FAM114A2: variants seen among roughly 807,000 people sequenced by gnomAD.
FAM114A2 encodes family with sequence similarity 114 member A2, also known as protein FAM114A2.
FAM114A2 carries 53 observed loss-of-function variants against 58.4 expected under a neutral mutation model. The observed-to-expected ratio is 0.91, with a 90% confidence interval of 0.73 to 1.14. The LOEUF is 1.14. Ranked by LOEUF, FAM114A2 falls within the 50% of genes most tolerant of loss-of-function variation. The pLI, the probability that FAM114A2 is intolerant of heterozygous loss-of-function variation, is 0.00. For synonymous variants in FAM114A2, 228 were observed against 211.4 expected, an observed-to-expected ratio of 1.08 and a Z score of -0.68; for missense variants, 601 against 581.1, an observed-to-expected ratio of 1.03 and a Z score of -0.35.
chr5:154,004,016 A>T (rs1770185784), intron 9 of FAM114A2, among the ~76,000 whole-genome samples: 1 of 152,180 alleles, frequency 6.6e-6, no homozygotes, highest in Non-Finnish European at 1.5e-5. Flanking sequence ...AACATGCTGT[A>T]CAGTTTTGTA....
At chr5:153,994,808 G>A (rs1435522304) in intron 13 of FAM114A2, 111 bp downstream of exon 13, 2 of 685,390 alleles carry the variant, frequency 2.9e-6, no homozygotes, top group Non-Finnish European at 5.2e-6. Flanking sequence ...CATCAATATG[G>A]CTAAACTACC....
chr5:153,997,965 T>G, intron 11 of FAM114A2, 90 bp from the exon 12 acceptor site: 1 of 764,428 alleles, frequency 1.3e-6, no homozygotes, highest in South Asian at 1.8e-5. Flanking sequence ...ACAAATCACT[T>G]CTGGTACTAA....
intron 7 of FAM114A2, among the ~76,000 whole-genome samples, chr5:154,026,882 A>C: frequency 5.2e-5 from 1 of 19,210 alleles, no homozygotes; most frequent in Non-Finnish European, 1.1e-4. Context: ...CAAAGAAACT[A>C]AAAAAAAAAA....
intron 6 of FAM114A2, 50 bp downstream of exon 6, chr5:154,028,099 A>C: frequency 6.7e-7 from 1 of 1,488,952 alleles, no homozygotes; most frequent in Non-Finnish European, 9.1e-7. Context: ...AAAGGCAAAA[A>C]TACAGATCAA....
Position 154,029,538 on chromosome 5 carries a change from G to A in FAM114A2, c.446C>T (p.Ala149Val). 6.2e-7 allele frequency: 1 copy of A among 1,611,392 alleles called. No homozygotes were observed. Among genetic ancestry groups the A allele is most frequent in the Non-Finnish European group, 8.5e-7 (1 of 1,177,948 alleles). The change falls in exon 5 of 14, where the codon GCT (alanine) becomes GTT (valine). Residue 149 changes from alanine to valine, a missense_variant. Ala to Val is a moderately conservative substitution (Grantham distance 64). Transcript: ENST00000351797. The part of the protein sequence containing the change: ...AKENENSSPV[A>V]GAFGVFSTIS... ...GGTAGAGAATACACCAAATGCCCCA[G>A]CCACTGGGGAGGAGTTTTCATTCTC...
chr5:154,012,433 A>T (rs1437449977), intron 8 of FAM114A2, among the ~76,000 whole-genome samples: 1 of 152,218 alleles, frequency 6.6e-6, no homozygotes, highest in Admixed American at 6.5e-5. Context: ...TCTCTGCAAC[A>T]TGGAATGCAG....
intron 4 of FAM114A2, 53 bp from the exon 5 acceptor site, chr5:154,029,633 G>T (rs2113474642): frequency 1.0e-6 from 1 of 963,860 alleles, no homozygotes; most frequent in Non-Finnish European, 1.7e-6. Flanking sequence ...TTAACTCTCA[G>T]GCTTTATTAG....
At chr5:154,017,086 C>T (rs1451966962) in intron 8 of FAM114A2, among the ~76,000 whole-genome samples, 1 of 152,158 alleles carries the variant, frequency 6.6e-6, no homozygotes, top group Non-Finnish European at 1.5e-5. Flanking sequence ...TATCACAATC[C>T]TAAACATACA....
chr5:154,011,535 GCCATTATT>G (rs750607934), intron 8 of FAM114A2, among the ~76,000 whole-genome samples: 31 of 152,172 alleles, frequency 2.0e-4, no homozygotes, highest in Non-Finnish European at 4.4e-4. Context: ...AGAGAAAAGT[GCCATTATT>G]CCATGTTAGA....
intron 13 of FAM114A2, among the ~76,000 whole-genome samples, chr5:153,994,232 A>G (rs535116936): frequency 2.0e-5 from 3 of 152,332 alleles, no homozygotes; most frequent in African/African-American, 7.2e-5. Context: ...CATTTTTTCA[A>G]TTAACATCTA....
intron 11 of FAM114A2, among the ~76,000 whole-genome samples, chr5:154,001,631 G>T (rs1769979029): frequency 6.6e-6 from 1 of 152,056 alleles, no homozygotes; most frequent in African/African-American, 2.4e-5. Context: ...TTTTAATCAG[G>T]ACATTTGCTT....
Position 153,992,796 on chromosome 5 carries a change from T to C in FAM114A2, c.*180A>G, listed in dbSNP as rs1295415524. On this transcript the variant is annotated 3_prime_UTR_variant, in exon 14 of 14. Coordinates refer to ENST00000351797, the MANE Select transcript of FAM114A2 (RefSeq NM_018691.4). ...GAATTACAACAACTGGAAAGAATAC[T>C]GTGAGAACCTGAATACTTCAATCAA... 4.6e-6 allele frequency: 2 copies of C among 436,760 alleles called. No individual in the cohort carries two copies. Among genetic ancestry groups the C allele is most frequent in the Non-Finnish European group, 8.1e-6 (2 of 247,584 alleles). 27.1% of individuals were successfully genotyped at this position (436,760 alleles called of 1,614,324 possible).
chr5:154,009,200 G>A (rs1389043699), intron 9 of FAM114A2, among the ~76,000 whole-genome samples: 2 of 152,174 alleles, frequency 1.3e-5, no homozygotes, highest in African/African-American at 4.8e-5. Flanking sequence ...CTGGGGCACA[G>A]AAGGCATAAG....
At chr5:154,026,028 GA>G (rs1452408605) in intron 8 of FAM114A2, among the ~76,000 whole-genome samples, 1 of 152,236 alleles carries the variant, frequency 6.6e-6, no homozygotes, top group Admixed American at 6.5e-5. Flanking sequence ...CAGAGAGGCA[GA>G]GGTAAAGTAC....
intron 9 of FAM114A2, 114 bp downstream of exon 9, chr5:154,011,127 G>A: frequency 1.3e-6 from 1 of 775,058 alleles, no homozygotes; most frequent in Non-Finnish European, 2.1e-6. Flanking sequence ...GGTATAACGA[G>A]AATATACCTT....
chr5:154,019,708 G>C (rs983202815), intron 8 of FAM114A2, among the ~76,000 whole-genome samples: 2 of 152,104 alleles, frequency 1.3e-5, no homozygotes. Flanking sequence ...GAACAGAATA[G>C]AGAACCCAGA....
intron 12 of FAM114A2, among the ~76,000 whole-genome samples, chr5:153,997,159 G>T (rs910607042): frequency 1.3e-5 from 2 of 152,104 alleles, no homozygotes; most frequent in African/African-American, 2.4e-5. Flanking sequence ...CACACTGCTG[G>T]TGAGAATGTA....
At chr5:154,037,141 G>A (rs1316644849) in intron 1 of FAM114A2, 1 of 152,194 alleles carries the variant, frequency 6.6e-6, no homozygotes, top group Admixed American at 6.5e-5. Flanking sequence ...CAAGGATATG[G>A]AAATAACATG....
intron 4 of FAM114A2, 149 bp downstream of exon 4, chr5:154,033,642 A>G (rs1438790406): frequency 8.7e-6 from 5 of 573,922 alleles, no homozygotes; most frequent in African/African-American, 7.7e-5. Context: ...TAGATGTCTA[A>G]TTGGGAACTA....
Sources: allele counts gnomAD v4.1 joint callset (sites outside exome capture counted in the v4.1 genomes callset), GRCh38; gene constraint gnomAD v4.1.1; transcripts MANE v1.5; gene names NCBI Gene and HGNC (gene_info 2026-07-23, HGNC 2026-07-21).